The following MAP2K5 variants were observed in gnomAD, a reference collection of about 807,000 sequenced individuals.
The protein encoded by MAP2K5 is mitogen-activated protein kinase kinase 5.
A neutral mutation model predicts 83.1 loss-of-function variants in MAP2K5; 49 were observed. That is an observed-to-expected ratio of 0.59 (90% CI 0.47 to 0.75). The LOEUF (loss-of-function observed/expected upper bound fraction) is 0.75, where lower values mean the gene tolerates loss of function less well. Ranked by LOEUF, MAP2K5 falls within the 30% of genes least tolerant of loss-of-function variation. MAP2K5 has a pLI of 0.00. For missense variants in MAP2K5, 457 were observed against 557.5 expected (o/e 0.82, Z 1.82); for synonymous variants, 202 against 191.8 (o/e 1.05, Z -0.44).
Position 67,775,539 on chromosome 15 carries a change from G to A in MAP2K5, c.1242+2787G>A, listed in dbSNP as rs1312681624. Among the ~76,000 whole-genome samples the A allele has an allele frequency of 1.3e-5, 2 of 152,206 alleles. No individual in the cohort carries two copies. The highest frequency in any genetic ancestry group is 4.8e-5 in the African/African-American group (2 of 41,450). On this transcript the variant is annotated intron_variant, in intron 21 of 21. Coordinates refer to ENST00000178640, the MANE Select transcript of MAP2K5 (RefSeq NM_145160.3). This position sits in a 1 kb window ranked among gnomAD's most constrained non-coding sequence, Gnocchi z 5.3. ...AATTTGTTAGTTGATATACCATTGTGCACAGTCTTGTTCTAGACTCAGCAG... is the reference window on the plus strand; with the variant it reads ...AATTTGTTAGTTGATATACCATTGTACACAGTCTTGTTCTAGACTCAGCAG...
chr15:67,570,483 T>G (rs758963256), intron 3 of MAP2K5, among the ~76,000 whole-genome samples: 5 of 152,052 alleles, frequency 3.3e-5, no homozygotes, highest in Non-Finnish European at 5.9e-5. Flanking sequence ...TATTGAGGAG[T>G]CAGAGCCTGA....
intron 21 of MAP2K5, among the ~76,000 whole-genome samples, chr15:67,800,674 A>G (rs1246911423): frequency 6.6e-6 from 1 of 152,234 alleles, no homozygotes; most frequent in Non-Finnish European, 1.5e-5. Flanking sequence ...GGGAACTGAC[A>G]CCATCAGAAA....
chr15:67,544,025 C>T (rs2084346595), intron 1 of MAP2K5, among the ~76,000 whole-genome samples: 1 of 152,240 alleles, frequency 6.6e-6, no homozygotes, highest in South Asian at 2.1e-4. Context: ...ATTCTCCTAC[C>T]TCAGCCTCCC....
rs1047294563 is a variant in MAP2K5, at chr15:67,790,118, G to C, written c.1243-16528G>C. ...GTATCTTTCTTCCACTCTTAAAAAA[G>C]CAGGCTTGGAAATTGCAAGGCAGAG... On this transcript the variant is annotated intron_variant, in intron 21 of 21. Coordinates refer to ENST00000178640, the MANE Select transcript of MAP2K5 (RefSeq NM_145160.3). The surrounding 1 kb of genome is among the most constrained non-coding windows in gnomAD (Gnocchi z 4.6). Among the ~76,000 whole-genome samples, 1 of 149,112 alleles carries C rather than the reference G, an allele frequency of 6.7e-6. No individual in the cohort carries two copies. The highest frequency in any genetic ancestry group is 1.5e-5 in the Non-Finnish European group (1 of 67,372).
intron 13 of MAP2K5, among the ~76,000 whole-genome samples, chr15:67,682,839 TA>T (rs576946690): frequency 0.025 from 3,327 of 133,932 alleles, 57 homozygotes; most frequent in African/African-American, 0.044. Context: ...TCTCAAAAAA[TA>T]AAAAAAAAAG....
intron 8 of MAP2K5, among the ~76,000 whole-genome samples, chr15:67,621,434 G>A (rs201015322): frequency 5.6e-4 from 67 of 118,872 alleles, no homozygotes; most frequent in South Asian, 1.8e-3. Flanking sequence ...ACAAAAGTTT[G>A]AAAAAAAAAA....
At chr15:67,650,952 C>T (rs1038864509) in intron 11 of MAP2K5, among the ~76,000 whole-genome samples, 7 of 152,258 alleles carry the variant, frequency 4.6e-5, no homozygotes, top group East Asian at 3.9e-4. Flanking sequence ...GGGTGGCTCA[C>T]GCCTGTAATC....
intron 11 of MAP2K5, among the ~76,000 whole-genome samples, chr15:67,651,737 T>C (rs1003022932): frequency 2.6e-5 from 4 of 152,192 alleles, no homozygotes; most frequent in African/African-American, 9.7e-5. Flanking sequence ...ATGTACCACA[T>C]TTTCTTTATC....
chr15:67,687,918 G>A (rs562828191), intron 13 of MAP2K5, among the ~76,000 whole-genome samples: 1 of 152,206 alleles, frequency 6.6e-6, no homozygotes, highest in South Asian at 2.1e-4. Context: ...GTGTAGAAAT[G>A]GAGCGTGTTG....
intron 16 of MAP2K5, among the ~76,000 whole-genome samples, chr15:67,716,257 CT>C (rs1371052257): frequency 6.6e-6 from 1 of 152,182 alleles, no homozygotes; most frequent in Non-Finnish European, 1.5e-5. Context: ...AGGAGGATCC[CT>C]TGAGCCCAGG....
At chr15:67,725,414 A>G (rs3784700) in intron 16 of MAP2K5, among the ~76,000 whole-genome samples, 37,352 of 152,160 alleles carry the variant, frequency 0.25, 5,621 homozygotes, top group East Asian at 0.6. Flanking sequence ...CCGTCCATTT[A>G]CCATTGCTTA....
intron 15 of MAP2K5, among the ~76,000 whole-genome samples, chr15:67,701,538 A>G (rs940153843): frequency 6.6e-6 from 1 of 152,238 alleles, no homozygotes; most frequent in African/African-American, 2.4e-5. Context: ...GAGTAGAGAA[A>G]GGTTTCACCC....
At chr15:67,735,176 ATTATT>A (rs1473894448) in intron 17 of MAP2K5, among the ~76,000 whole-genome samples, 1 of 152,188 alleles carries the variant, frequency 6.6e-6, no homozygotes, top group African/African-American at 2.4e-5. Flanking sequence ...AAGAAGTCTC[ATTATT>A]TTATTTGCTT....
chr15:67,727,320 A>T (rs2089119641), intron 16 of MAP2K5, among the ~76,000 whole-genome samples: 1 of 152,240 alleles, frequency 6.6e-6, no homozygotes, highest in African/African-American at 2.4e-5. Context: ...AGAGCAGTTT[A>T]CAAATCAAGT....
chr15:67,786,489 A>G lies in MAP2K5; in HGVS notation c.1242+13737A>G, dbSNP rs1051296870. On this transcript the variant is annotated intron_variant, in intron 21 of 21. Transcript: ENST00000178640. This position sits in a 1 kb window ranked among gnomAD's most constrained non-coding sequence, Gnocchi z 4.7. ...TTCAGAAAGAATATAAGAAAGACCT[A>G]TGTCTCAGGAGCAGACTAGACATGC... Among the ~76,000 whole-genome samples, 12 of 152,188 alleles carry G rather than the reference A, an allele frequency of 7.9e-5. No individual in the cohort carries two copies. The highest frequency in any genetic ancestry group is 2.2e-4 in the African/African-American group (9 of 41,456).
At chr15:67,765,350 T>TC (rs1173015623) in intron 19 of MAP2K5, among the ~76,000 whole-genome samples, 2 of 146,360 alleles carry the variant, frequency 1.4e-5, no homozygotes, top group Non-Finnish European at 1.5e-5. Context: ...AGAGCGAGAC[T>TC]CCATCTAATA....
chr15:67,592,817 T>C (rs185680560), intron 6 of MAP2K5, 109 bp from the exon 7 acceptor site: 72,684 of 740,584 alleles, frequency 0.098, 4,089 homozygotes, highest in East Asian at 0.13. Flanking sequence ...ATGTGAAGAA[T>C]ATGCTCAATC....
rs17243334 is a variant in MAP2K5 at position 67,720,741 on chromosome 15, A to G, written c.1045-7175A>G. On this transcript the variant is annotated intron_variant, in intron 16 of 21. Transcript: ENST00000178640. The surrounding 1 kb of genome is among the most constrained non-coding windows in gnomAD (Gnocchi z 5.7). ...GACCATAACTTCCAGTAATTAGTGT[A>G]TTTTATGGGCCTTTGCTTCAGTGGC... Among the ~76,000 whole-genome samples, 56,624 of 152,060 alleles carry G rather than the reference A, an allele frequency of 0.37. 12,078 individuals carry two copies. The highest frequency in any genetic ancestry group is 0.5 in the Non-Finnish European group (33,767 of 67,928).
At chr15:67,634,156 C>T (rs374345945) in intron 9 of MAP2K5, among the ~76,000 whole-genome samples, 4 of 151,144 alleles carry the variant, frequency 2.6e-5, no homozygotes, top group East Asian at 3.9e-4. Flanking sequence ...CTCAGGAGTA[C>T]GAGACCAGCC....
Sources: allele counts gnomAD v4.1 joint callset (sites outside exome capture counted in the v4.1 genomes callset), GRCh38; gene constraint gnomAD v4.1.1; non-coding constraint Gnocchi (gnomAD v3.1); transcripts MANE v1.5; gene names NCBI Gene and HGNC (gene_info 2026-07-23, HGNC 2026-07-21).